Variants in NEMP2 observed in about 807,000 individuals in gnomAD.
NEMP2 encodes UPF0571 transmembrane protein.
A neutral mutation model predicts 54.2 loss-of-function variants in NEMP2; 53 were observed. The ratio of observed to expected loss-of-function variants is 0.98; its 90% CI spans 0.78 to 1.23. The LOEUF is 1.23. Among genes scored for constraint, NEMP2 ranks in the 50% most tolerant of loss-of-function variants. The pLI, the probability that NEMP2 is intolerant of heterozygous loss-of-function variation, is 0.00. For synonymous variants in NEMP2, 197 were observed against 190.3 expected (o/e 1.04, Z -0.29); for missense variants, 455 against 511.3 (o/e 0.89, Z 1.06).
At chr2:190,431,559 G>C in the NEMP2 span, among the ~76,000 whole-genome samples, 1 of 152,214 alleles carries the variant, frequency 6.6e-6, no homozygotes, top group Non-Finnish European at 1.5e-5. The surrounding 1 kb of genome is among the most constrained non-coding windows in gnomAD (Gnocchi z 4.4). Context: ...ACGAAAACCA[G>C]TCAGGTGTGG....
chr2:190,545,118 T>C, the NEMP2 span, among the ~76,000 whole-genome samples: 1 of 115,922 alleles, frequency 8.6e-6, no homozygotes, highest in Non-Finnish European at 1.9e-5. Context: ...AGTAAATAAA[T>C]AAAACAAAAA....
chr2:190,584,161 T>C, the NEMP2 span, among the ~76,000 whole-genome samples: 1 of 152,154 alleles, frequency 6.6e-6, no homozygotes, highest in African/African-American at 2.4e-5. The surrounding 1 kb of genome is among the most constrained non-coding windows in gnomAD (Gnocchi z 4.2). Flanking sequence ...CACACTGAGA[T>C]GACATGACAA....
At chr2:190,618,076 C>A in the NEMP2 span, among the ~76,000 whole-genome samples, 1 of 152,128 alleles carries the variant, frequency 6.6e-6, no homozygotes, top group African/African-American at 2.4e-5. Context: ...GACCTCTGAA[C>A]GTATTCTATC....
rs1690970569 is a variant in NEMP2, at chr2:190,527,184, C to T, written c.98-1806G>A. Among the ~76,000 whole-genome samples, 1 of 152,132 alleles carries T rather than the reference C, an allele frequency of 6.6e-6. No individual in the cohort carries two copies. The highest frequency in any genetic ancestry group is 2.4e-5 in the African/African-American group (1 of 41,422). ...TTTAAGGAAAGTGTGGTCAGTTGTT[C>T]CTCCTGAAAAACCTGAAATGAAGCT... is the stretch of plus-strand genomic sequence containing the variant. On this transcript the variant is annotated intron_variant, in intron 1 of 8. Transcript: ENST00000409150. This position sits in a 1 kb window ranked among gnomAD's most constrained non-coding sequence, Gnocchi z 4.0.
the NEMP2 span, among the ~76,000 whole-genome samples, chr2:190,580,700 GA>G: frequency 6.6e-6 from 1 of 152,118 alleles, no homozygotes; most frequent in Non-Finnish European, 1.5e-5. The surrounding 1 kb of genome is among the most constrained non-coding windows in gnomAD (Gnocchi z 5.3). Flanking sequence ...GTGACAGGTA[GA>G]AAAATATTGT....
the NEMP2 span, among the ~76,000 whole-genome samples, chr2:190,482,970 C>T: frequency 7.1e-6 from 1 of 140,612 alleles, no homozygotes; most frequent in Admixed American, 7.6e-5. Context: ...CGGCTCACTG[C>T]AAGCTCTGCT....
the NEMP2 span, chr2:190,436,544 C>T: frequency 6.2e-7 from 1 of 1,614,230 alleles, no homozygotes; most frequent in Admixed American, 1.7e-5. The surrounding 1 kb of genome is among the most constrained non-coding windows in gnomAD (Gnocchi z 5.3). Context: ...CCCACCAATG[C>T]AAGTCACCAG....
At chr2:190,568,254 T>C in the NEMP2 span, among the ~76,000 whole-genome samples, 1 of 152,196 alleles carries the variant, frequency 6.6e-6, no homozygotes, top group Admixed American at 6.5e-5. The surrounding 1 kb of genome is among the most constrained non-coding windows in gnomAD (Gnocchi z 4.7). Context: ...CAAGTGAGAT[T>C]AATACAGGAC....
At chr2:190,541,703 T>C in the NEMP2 span, among the ~76,000 whole-genome samples, 1 of 152,232 alleles carries the variant, frequency 6.6e-6, no homozygotes, top group Non-Finnish European at 1.5e-5. This position sits in a 1 kb window ranked among gnomAD's most constrained non-coding sequence, Gnocchi z 5.2. Flanking sequence ...TCAAATATTT[T>C]CTATTTGCAA....
At chr2:190,640,754 C>T in the NEMP2 span, among the ~76,000 whole-genome samples, 1 of 136,048 alleles carries the variant, frequency 7.4e-6, no homozygotes, top group Non-Finnish European at 1.6e-5. Flanking sequence ...TTTGTTGTGA[C>T]AATTCGCCAA....
At chr2:190,478,835 T>TA in the NEMP2 span, among the ~76,000 whole-genome samples, 130,955 of 149,522 alleles carry the variant, frequency 0.88, 58,077 homozygotes, top group East Asian at 1. Flanking sequence ...GGGTCTTCCT[T>TA]AAAAAAAAAA....
At chr2:190,558,941 T>A in the NEMP2 span, among the ~76,000 whole-genome samples, 1 of 152,180 alleles carries the variant, frequency 6.6e-6, no homozygotes. This position sits in a 1 kb window ranked among gnomAD's most constrained non-coding sequence, Gnocchi z 4.4. Context: ...TGATGAAACT[T>A]TTTTTACCCT....
At position 190,521,605 on chromosome 2, in the gene NEMP2, C is replaced by G. The variant is rs1690752450; in HGVS notation, c.214-2422G>C. ...CAATAAAATTCCTTTAAAAAGCTGC[C>G]TGTGCCTGCAGTCTCTAGTTCCTCT... On this transcript the variant is annotated intron_variant, in intron 2 of 8. Coordinates refer to ENST00000409150, the MANE Select transcript of NEMP2 (RefSeq NM_001142645.2). The surrounding 1 kb of genome is among the most constrained non-coding windows in gnomAD (Gnocchi z 6.2). 6.6e-6 allele frequency among the ~76,000 whole-genome samples: 1 copy of G among 152,196 alleles called. No individual in the cohort carries two copies.
At chr2:190,479,766 C>A in the NEMP2 span, among the ~76,000 whole-genome samples, 2 of 152,058 alleles carry the variant, frequency 1.3e-5, no homozygotes, top group South Asian at 4.2e-4. Flanking sequence ...ATTAATGACT[C>A]CAGCACTGAG....
the NEMP2 span, among the ~76,000 whole-genome samples, chr2:190,607,083 G>A: frequency 6.6e-6 from 1 of 152,194 alleles, no homozygotes; most frequent in Non-Finnish European, 1.5e-5. The surrounding 1 kb of genome is among the most constrained non-coding windows in gnomAD (Gnocchi z 5.2). Context: ...AACAGCCCAT[G>A]GCGGGTGCTG....
the NEMP2 span, chr2:190,497,670 T>A: frequency 6.2e-7 from 1 of 1,614,192 alleles, no homozygotes; most frequent in South Asian, 1.1e-5. The surrounding 1 kb of genome is among the most constrained non-coding windows in gnomAD (Gnocchi z 5.2). Flanking sequence ...ATTAAAGAGA[T>A]GATGCAACTC....
At chr2:190,438,241 AC>A in the NEMP2 span, among the ~76,000 whole-genome samples, 1 of 151,722 alleles carries the variant, frequency 6.6e-6, no homozygotes, top group South Asian at 2.1e-4. This position sits in a 1 kb window ranked among gnomAD's most constrained non-coding sequence, Gnocchi z 5.2. Context: ...TAGGCTGGGC[AC>A]AGTGGCTCAC....
the NEMP2 span, chr2:190,437,280 A>C: frequency 1.2e-6 from 2 of 1,614,114 alleles, no homozygotes; most frequent in African/African-American, 1.3e-5. This position sits in a 1 kb window ranked among gnomAD's most constrained non-coding sequence, Gnocchi z 5.9. Context: ...ACAACTCTAC[A>C]GAGTCCTCTG....
chr2:190,572,327 T>C, the NEMP2 span, among the ~76,000 whole-genome samples: 4 of 152,204 alleles, frequency 2.6e-5, no homozygotes, highest in East Asian at 5.8e-4. Context: ...CTGCTTCAGT[T>C]ATTGCTCTTT....
Sources: gnomAD v4.1 joint callset for allele counts (sites outside exome capture counted in the v4.1 genomes callset) on GRCh38, gnomAD v4.1.1 for gene constraint, Gnocchi (gnomAD v3.1) non-coding constraint, MANE v1.5 for transcripts, NCBI Gene and HGNC (gene_info 2026-07-23, HGNC 2026-07-21) for gene names.